USP31: variants seen among roughly 807,000 people sequenced by gnomAD.
USP31 encodes ubiquitin specific peptidase 31, also known as ubiquitin carboxyl-terminal hydrolase 31.
Under a neutral mutation model 119.4 loss-of-function variants are expected in USP31, and 44 were observed. The observed-to-expected ratio is 0.37, with a 90% CI of 0.29 to 0.47. The LOEUF (loss-of-function observed/expected upper bound fraction) is 0.47, where lower values mean the gene tolerates loss of function less well. Ranked by LOEUF, USP31 falls within the 20% of genes least tolerant of loss-of-function variation. The pLI, the probability that USP31 is intolerant of heterozygous loss-of-function variation, is 0.99. For missense variants in USP31, 1,643 were observed against 1,730.2 expected, an observed-to-expected ratio of 0.95 and a Z score of 0.89; for synonymous variants, 749 against 705.6, an observed-to-expected ratio of 1.06 and a Z score of -0.97.
rs757090285 is a variant in USP31, at chr16:23,148,787, G to A, written c.484C>T (p.Arg162Trp). The stretch of plus-strand genomic sequence containing the variant: ...GGCGAGGGCTCGGGCCGCCCCGCCC[G>A]GTACTGGCCCAGCGCCAGGTACTCG... ...FAEYLALGQYRAGRPEPSPDP... is the reference protein window; with the variant it reads ...FAEYLALGQYWAGRPEPSPDP... Residue 162 changes from arginine (R) to tryptophan (W), a missense_variant, in exon 1 of 16, where the codon CGG becomes TGG. Transcript: ENST00000219689. 3 of 1,533,534 alleles carry A rather than the reference G, an allele frequency of 2.0e-6. No homozygotes were observed. Among genetic ancestry groups the A allele is most frequent in the Middle Eastern group, 1.7e-4 (1 of 5,790 alleles). 95.0% of individuals were successfully genotyped at this position (1,533,534 alleles called of 1,614,324 possible). A position where few individuals can be genotyped will look rare whatever the true frequency, so the allele number is the denominator to read the frequency against.
intron 6 of USP31, among the ~76,000 whole-genome samples, chr16:23,093,059 G>A (rs748058397): frequency 1.3e-5 from 2 of 152,102 alleles, no homozygotes; most frequent in South Asian, 2.1e-4. Flanking sequence ...CAACCTAAAT[G>A]TAAGAGCTAA....
In USP31 at chr16:23,069,297, A is replaced by C; in HGVS notation, c.2808T>G (p.Ala936=). Residue 936 remains alanine, a synonymous_variant, in exon 16 of 16, where the codon GCT becomes GCG. Coordinates refer to ENST00000219689, the MANE Select transcript of USP31 (RefSeq NM_020718.4). ...SDSHSRREHK[A]VGRAPLAVME... The stretch of plus-strand genomic sequence containing the variant: ...TGACAGCCAGAGGGGCCCGGCCCAC[A>C]GCCTTGTGCTCACGGCGACTATGAC... 6.2e-7 allele frequency: 1 copy of C among 1,610,110 alleles called. No individual in the cohort carries two copies.
chr16:23,082,589 C>G, intron 11 of USP31, 32 bp from the exon 12 acceptor site: 3 of 1,612,910 alleles, frequency 1.9e-6, no homozygotes, highest in Non-Finnish European at 1.7e-6. Context: ...CCGTTAAGTG[C>G]CACTTAATGC....
At chr16:23,122,576 T>C (rs944357680) in intron 1 of USP31, among the ~76,000 whole-genome samples, 1 of 152,176 alleles carries the variant, frequency 6.6e-6, no homozygotes, top group Non-Finnish European at 1.5e-5. Context: ...AGCAGATGAA[T>C]AAACAAAATG....
At chr16:23,107,969 A>G (rs1596716838) in intron 2 of USP31, 77 bp downstream of exon 2, 1 of 1,499,544 alleles carries the variant, frequency 6.7e-7, no homozygotes, top group South Asian at 1.4e-5. Flanking sequence ...TATTAACGCA[A>G]TGCAACAAGT....
rs368047435 is a variant in USP31 at position 23,062,635 on chromosome 16, T to C, written c.*5411A>G. 6 of 152,536 alleles carry C rather than the reference T, an allele frequency of 3.9e-5. No individual in the cohort carries two copies. The East Asian group carries it at 7.7e-4, about 20-fold the overall frequency. The allele number at this position is 152,536 out of a possible 1,614,324, so 9.4% of individuals were successfully genotyped here. A position where few individuals can be genotyped will look rare whatever the true frequency, so the allele number is the denominator to read the frequency against. On this transcript the variant is annotated 3_prime_UTR_variant, in exon 16 of 16. Transcript: ENST00000219689. Reference sequence around the variant, plus strand: ...TTTCTAGCTCAGAGTGACTTCCCTATTCCCCCACGGGCCTGGGGAAAAGGT... The same window carrying C: ...TTTCTAGCTCAGAGTGACTTCCCTACTCCCCCACGGGCCTGGGGAAAAGGT...
Position 23,149,100 on chromosome 16 carries a change from A to AGAGGAGGGCGAGGAGGGC in USP31, c.153_170dup (p.Pro52_Ser57dup), listed in dbSNP as rs555380492. 4.7e-6 allele frequency: 6 copies of AGAGGAGGGCGAGGAGGGC among 1,271,570 alleles called. No individual in the cohort carries two copies. Among genetic ancestry groups the AGAGGAGGGCGAGGAGGGC allele is most frequent in the African/African-American group, 3.1e-5 (2 of 63,528 alleles). The allele number at this position is 1,271,570 out of a possible 1,614,324, so 78.8% of individuals were successfully genotyped here. ...TCATGAAGCTGCCCACCGAGCGTGC[A>AGAGGAGGGCGAGGAGGGC]GAGGAGGGCGAGGAGGGCGAGGAAG... On this transcript the variant is annotated inframe_insertion, in exon 1 of 16. Transcript: ENST00000219689.
At chr16:23,105,723 G>T in intron 4 of USP31, 147 bp from the exon 5 acceptor site, 2 of 858,728 alleles carry the variant, frequency 2.3e-6, no homozygotes, top group Non-Finnish European at 1.6e-6. Context: ...AATTTCACTT[G>T]GCTCTAAGCA....
At chr16:23,075,830 C>T (rs13335936) in intron 13 of USP31, among the ~76,000 whole-genome samples, 42,834 of 152,072 alleles carry the variant, frequency 0.28, 6,376 homozygotes, top group Admixed American at 0.35. Context: ...CTTATGCCTA[C>T]AATCCCAACA....
chr16:23,126,781 T>G, intron 1 of USP31, among the ~76,000 whole-genome samples: 1 of 152,190 alleles, frequency 6.6e-6, no homozygotes, highest in Admixed American at 6.5e-5. Context: ...GCAGGGCATG[T>G]GATAAGCACT....
At position 23,064,659 on chromosome 16, in the gene USP31, G is replaced by A. The variant is rs897576486; in HGVS notation, c.*3387C>T. 32 of 152,134 alleles carry A rather than the reference G, an allele frequency of 2.1e-4. No individual in the cohort carries two copies. Among genetic ancestry groups the A allele is most frequent in the African/African-American group, 6.5e-4 (27 of 41,424 alleles). 9.4% of individuals were successfully genotyped at this position (152,134 alleles called of 1,614,324 possible). ...ACCACAAGCCTTAGCCGATTTGACCGGAATCCACGTGATCTCTTTTCCCAG... is the reference window on the plus strand; with the variant it reads ...ACCACAAGCCTTAGCCGATTTGACCAGAATCCACGTGATCTCTTTTCCCAG... On this transcript the variant is annotated 3_prime_UTR_variant, in exon 16 of 16. Coordinates refer to ENST00000219689, the MANE Select transcript of USP31 (RefSeq NM_020718.4).
intron 1 of USP31, among the ~76,000 whole-genome samples, chr16:23,145,260 T>A (rs1903471836): frequency 6.6e-6 from 1 of 152,272 alleles, no homozygotes; most frequent in East Asian, 1.9e-4. Context: ...CCAGGGAGCT[T>A]GTTAGAAATG....
chr16:23,112,101 A>G (rs1219071620), intron 1 of USP31, among the ~76,000 whole-genome samples: 2 of 152,196 alleles, frequency 1.3e-5, no homozygotes, highest in African/African-American at 4.8e-5. Context: ...AGGGAGAAGG[A>G]TCCTGATAGC....
In USP31 at chr16:23,119,344, T is replaced by C. The variant is rs966698139; in HGVS notation, c.634-11161A>G. Among the ~76,000 whole-genome samples the C allele has an allele frequency of 5.3e-5, 8 of 152,152 alleles. 1 individual carries two copies. The highest frequency in any genetic ancestry group is 5.2e-4 in the Admixed American group (8 of 15,280). On this transcript the variant is annotated intron_variant, in intron 1 of 15. Coordinates refer to ENST00000219689, the MANE Select transcript of USP31 (RefSeq NM_020718.4). ...AACTCCTGACCTCAAGTGAGCCGCC[T>C]GCCTCAGCCTCCCACGGTGCTGGGA...
chr16:23,100,817 C>T (rs1050422484), intron 6 of USP31, among the ~76,000 whole-genome samples: 1 of 152,066 alleles, frequency 6.6e-6, no homozygotes, highest in Non-Finnish European at 1.5e-5. Context: ...TGGAAGGTAC[C>T]TTGGGAAAAC....
At chr16:23,078,306 G>A (rs1171284227) in intron 13 of USP31, among the ~76,000 whole-genome samples, 26 of 111,914 alleles carry the variant, frequency 2.3e-4, no homozygotes, top group Non-Finnish European at 3.7e-4. Flanking sequence ...GCGAGACTCC[G>A]TCGCAAAAAA....
intron 1 of USP31, among the ~76,000 whole-genome samples, chr16:23,136,593 G>T (rs1010433916): frequency 2.3e-4 from 35 of 151,286 alleles, no homozygotes; most frequent in Non-Finnish European, 4.0e-4. Context: ...GCCGGAGGCT[G>T]CAGTGAGCTA....
Position 23,080,139 on chromosome 16 carries a change from C to T in USP31, c.1983G>A (p.Met661Ile), listed in dbSNP as rs1900752770. Reference sequence around the variant, plus strand: ...CCAGGCCAGTCAAGGGGAATTTGACCATGTTCTGAAGTTTCATGCGCCTGT... The same window carrying T: ...CCAGGCCAGTCAAGGGGAATTTGACTATGTTCTGAAGTTTCATGCGCCTGT... ...EGDRRMKLQN[M>I]VKFPLTGLDM... is the part of the protein sequence containing the mutation. Residue 661 changes from methionine to isoleucine, a missense_variant, in exon 13 of 16, where the codon ATG (methionine) becomes ATA (isoleucine). Around this residue, in one of 5 missense-constraint regions of USP31, gnomAD observed 279 missense variants for 372.2 expected, o/e 0.75. Transcript: ENST00000219689. The T allele has an allele frequency of 6.3e-7, 1 of 1,579,838 alleles. No homozygotes were observed. Among genetic ancestry groups the T allele is most frequent in the East Asian group, 2.3e-5 (1 of 44,086 alleles).
intron 6 of USP31, among the ~76,000 whole-genome samples, chr16:23,095,276 G>A (rs1901552306): frequency 6.6e-6 from 1 of 152,120 alleles, no homozygotes; most frequent in African/African-American, 2.4e-5. Flanking sequence ...ATGAAATAAA[G>A]CAAGAACACA....
Sources: gnomAD v4.1 joint callset for allele counts (sites outside exome capture counted in the v4.1 genomes callset) on GRCh38, gnomAD v4.1.1 for gene constraint, gnomAD v4.1.1 regional missense constraint, MANE v1.5 for transcripts, NCBI Gene and HGNC (gene_info 2026-07-23, HGNC 2026-07-21) for gene names.